Variants in FBXO47 observed in about 807,000 individuals in gnomAD.
FBXO47 encodes the protein F-box protein 47.
Under a neutral mutation model 53.9 loss-of-function variants are expected in FBXO47, and 34 were observed. The observed-to-expected ratio is 0.63, with a 90% CI of 0.48 to 0.84. The LOEUF (loss-of-function observed/expected upper bound fraction) is 0.84. Ranked by LOEUF, FBXO47 falls within the 40% of genes least tolerant of loss-of-function variation. The pLI is 0.00. For missense variants in FBXO47, 485 were observed against 541.3 expected, an observed-to-expected ratio of 0.90 and a Z score of 1.03; for synonymous variants, 165 against 181.6, an observed-to-expected ratio of 0.91 and a Z score of 0.73.
chr17:38,962,351 C>T (rs558684598), intron 2 of FBXO47, among the ~76,000 whole-genome samples: 1 of 152,280 alleles, frequency 6.6e-6, no homozygotes, highest in East Asian at 1.9e-4. Flanking sequence ...TGCAGTGACT[C>T]ATGCCTGTAA....
intron 1 of FBXO47, 36 bp from the exon 2 acceptor site, chr17:38,963,087 A>G (rs1905901298): frequency 1.6e-6 from 2 of 1,285,552 alleles, no homozygotes; most frequent in Admixed American, 2.2e-5. Context: ...GACAAGAAAG[A>G]AAGGAAATTA....
chr17:38,945,954 T>G (rs1337484364), intron 6 of FBXO47, among the ~76,000 whole-genome samples: 3 of 128,704 alleles, frequency 2.3e-5, no homozygotes, highest in Non-Finnish European at 4.7e-5. Context: ...AAAAAATATA[T>G]ATATATATAT....
At chr17:38,949,090 C>T (rs113480671) in intron 6 of FBXO47, among the ~76,000 whole-genome samples, 1,533 of 151,988 alleles carry the variant, frequency 0.01, 14 homozygotes, top group Non-Finnish European at 0.016. Context: ...GAGTTGTTTC[C>T]ATCTTTTGGC....
In FBXO47 at chr17:38,962,043, C is replaced by T. The variant is rs1170138846; in HGVS notation, c.186G>A (p.Lys62=). 1 of 1,609,896 alleles carries T rather than the reference C, an allele frequency of 6.2e-7. No homozygotes were observed. Among genetic ancestry groups the T allele is most frequent in the East Asian group, 2.2e-5 (1 of 44,816 alleles). The change falls in exon 3 of 11, where the codon AAG becomes AAA. Residue 62 remains lysine, a synonymous_variant. Transcript: ENST00000378079. The part of the protein sequence containing the change: ...FQIILKYLSV[K]DISMLSMVSK... ...ACACCATGCTTAGCATGCTGATATC[C>T]TTCACTACCAAAAGAAATATATATG... is the stretch of plus-strand genomic sequence containing the variant.
intron 3 of FBXO47, among the ~76,000 whole-genome samples, chr17:38,959,574 T>C (rs2143959914): frequency 1.7e-5 from 2 of 117,018 alleles, no homozygotes; most frequent in Non-Finnish European, 3.3e-5. Flanking sequence ...AGTGAGACTC[T>C]GCCTCAAAAA....
intron 9 of FBXO47, among the ~76,000 whole-genome samples, chr17:38,941,642 A>ATATATG (rs924192946): frequency 1.2e-4 from 18 of 144,226 alleles, no homozygotes; most frequent in African/African-American, 2.6e-4. Flanking sequence ...ATATATATAT[A>ATATATG]TATGTATGTG....
intron 1 of FBXO47, 80 bp from the exon 2 acceptor site, chr17:38,963,131 A>C: frequency 1.1e-6 from 1 of 896,332 alleles, no homozygotes; most frequent in Non-Finnish European, 1.7e-6. Context: ...TTAAACGAAG[A>C]GGTTGATAGT....
intron 6 of FBXO47, 76 bp from the exon 7 acceptor site, chr17:38,945,212 T>G (rs1200854322): frequency 1.0e-6 from 1 of 991,180 alleles, no homozygotes; most frequent in Non-Finnish European, 1.6e-6. Context: ...TCAAAGCAAC[T>G]TATTAATCAT....
chr17:38,945,155 T>C lies in FBXO47; in HGVS notation c.617-19A>G. 2 of 1,568,314 alleles carry C rather than the reference T, an allele frequency of 1.3e-6. No individual in the cohort carries two copies. The highest frequency in any genetic ancestry group is 1.1e-5 in the South Asian group (1 of 89,942). On this transcript the variant is annotated intron_variant, in intron 6 of 10. Coordinates refer to ENST00000378079, the MANE Select transcript of FBXO47 (RefSeq NM_001008777.3). Reference sequence around the variant, plus strand: ...GCACTTCCTATGAAGACAAAAGAATTGTAAATCATTCTTCGTAGAAAGGCT... The same window carrying C: ...GCACTTCCTATGAAGACAAAAGAATCGTAAATCATTCTTCGTAGAAAGGCT...
At chr17:38,963,232 C>A (rs896649544) in intron 1 of FBXO47, among the ~76,000 whole-genome samples, 181 bp from the exon 2 acceptor site, 3 of 152,044 alleles carry the variant, frequency 2.0e-5, no homozygotes, top group Admixed American at 2.0e-4. Flanking sequence ...GGCTGGAGTG[C>A]AATGGCGTAA....
At position 38,962,150 on chromosome 17, in the gene FBXO47, T is replaced by G. The variant is rs532236494; in HGVS notation, c.182-103A>C. 1.3e-3 allele frequency: 1,171 copies of G among 896,712 alleles called. 1 individual carries two copies. The highest frequency in any genetic ancestry group is 1.7e-3 in the Non-Finnish European group (1,035 of 601,684). 55.5% of individuals were successfully genotyped at this position (896,712 alleles called of 1,614,324 possible). A position where few individuals can be genotyped will look rare whatever the true frequency, so the allele number is the denominator to read the frequency against. ...TATAGGTTAACTCAATCGTCATCAT[T>G]ATCACCATCATCATCCCTTTGGGAA... is the stretch of plus-strand genomic sequence containing the variant. On this transcript the variant is annotated intron_variant, in intron 2 of 10. Transcript: ENST00000378079.
intron 10 of FBXO47, among the ~76,000 whole-genome samples, chr17:38,937,890 G>T (rs1314695431): frequency 6.6e-6 from 1 of 151,818 alleles, no homozygotes; most frequent in African/African-American, 2.4e-5. Flanking sequence ...GGATGGTCTC[G>T]ACCTCCTGAC....
intron 9 of FBXO47, among the ~76,000 whole-genome samples, chr17:38,941,056 C>T (rs902582304): frequency 4.0e-5 from 6 of 151,790 alleles, no homozygotes; most frequent in African/African-American, 1.5e-4. Context: ...GCTATCTTGG[C>T]TCACCACAGC....
chr17:38,960,410 A>G (rs940571819), intron 3 of FBXO47, among the ~76,000 whole-genome samples: 3 of 152,190 alleles, frequency 2.0e-5, no homozygotes, highest in Non-Finnish European at 2.9e-5. Context: ...AAATCCTTAC[A>G]TGAATAAAAC....
intron 5 of FBXO47, among the ~76,000 whole-genome samples, chr17:38,953,705 T>A (rs921931462): frequency 5.9e-5 from 9 of 152,170 alleles, no homozygotes; most frequent in Admixed American, 4.6e-4. Context: ...AAACTGATTA[T>A]TTCTGGTGAA....
intron 7 of FBXO47, among the ~76,000 whole-genome samples, chr17:38,944,288 G>A (rs1395889689): frequency 6.6e-6 from 1 of 151,458 alleles, no homozygotes; most frequent in Non-Finnish European, 1.5e-5. Context: ...CACTTGGGGA[G>A]GCCAAGGTGG....
At chr17:38,946,562 CTATATAAATATATATGAATATA>C (rs1904869745) in intron 6 of FBXO47, among the ~76,000 whole-genome samples, 4 of 50,986 alleles carry the variant, frequency 7.8e-5, no homozygotes, top group African/African-American at 3.8e-4. Flanking sequence ...ATATATATAA[CTATATAAATATATATGAATATA>C]TAACTATATA....
At chr17:38,944,847 C>CGTGTGTGTGTGTGTGTGTGTGT (rs1462853688) in intron 7 of FBXO47, 113 bp downstream of exon 7, 12 of 400,416 alleles carry the variant, frequency 3.0e-5, no homozygotes, top group South Asian at 2.1e-4. Context: ...TGCGTGCATG[C>CGTGTGTGTGTGTGTGTGTGTGT]ATGTGTGTGT....
At chr17:38,955,756 G>C (rs182466966) in intron 4 of FBXO47, among the ~76,000 whole-genome samples, 2 of 151,668 alleles carry the variant, frequency 1.3e-5, no homozygotes, top group African/African-American at 4.8e-5. Context: ...TCAGGAGTTC[G>C]AGATCAGCCT....
Sources: allele counts gnomAD v4.1 joint callset (sites outside exome capture counted in the v4.1 genomes callset), GRCh38; gene constraint gnomAD v4.1.1; transcripts MANE v1.5; gene names NCBI Gene and HGNC (gene_info 2026-07-23, HGNC 2026-07-21).